ZBBX: variants seen among roughly 807,000 people sequenced by gnomAD.
The protein encoded by ZBBX is zinc finger B-box domain-containing protein 1.
In ZBBX, 101 loss-of-function variants were observed where a neutral mutation model predicts 108.5. The ratio of observed to expected loss-of-function variants is 0.93; its 90% CI spans 0.79 to 1.10. ZBBX has a LOEUF of 1.10. Ranked by LOEUF, ZBBX falls within the 50% of genes least tolerant of loss-of-function variation. The probability of loss-of-function intolerance (pLI) is 0.00; values close to 1 mark genes in which losing one functional copy is unlikely to be tolerated. For missense variants in ZBBX, 1,009 were observed against 941.4 expected (o/e 1.07, Z -0.94); for synonymous variants, 356 against 323.4 (o/e 1.10, Z -1.08).
At chr3:167,315,867 T>TA in intron 14 of ZBBX, 38 bp from the exon 15 acceptor site, 3 of 1,344,982 alleles carry the variant, frequency 2.2e-6, no homozygotes, top group Non-Finnish European at 3.1e-6. Context: ...AGTAAGTTCA[T>TA]AAAAATTTAT....
chr3:167,298,438 G>A lies in ZBBX; in HGVS notation c.1746C>T (p.Cys582=), dbSNP rs1483655821. ...KSSLLLQEIA[C]RSKPITKQYQ... ...ATTGTTTTGTTATAGGCTTACTTCT[G>A]CAGGCTATTTCTTGTAACAACTAAG... Residue 582 remains cysteine, a synonymous_variant, in exon 18 of 22, where the codon TGC becomes TGT. Transcript: ENST00000675490. 2.7e-6 allele frequency: 4 copies of A among 1,507,654 alleles called. No individual in the cohort carries two copies. In the Admixed American group the frequency reaches 5.9e-5, roughly 22 times the overall value. 93.4% of individuals were successfully genotyped at this position (1,507,654 alleles called of 1,614,324 possible). A position where few individuals can be genotyped will look rare whatever the true frequency, so the allele number is the denominator to read the frequency against.
At chr3:167,232,656 C>A in the ZBBX span, among the ~76,000 whole-genome samples, 1 of 151,748 alleles carries the variant, frequency 6.6e-6, no homozygotes, top group Non-Finnish European at 1.5e-5. Flanking sequence ...GAATGCTTTG[C>A]CTAGAGGGGA....
chr3:167,212,675 C>T, the ZBBX span, among the ~76,000 whole-genome samples: 1 of 152,162 alleles, frequency 6.6e-6, no homozygotes, highest in Non-Finnish European at 1.5e-5. Flanking sequence ...TCTGCTGCCT[C>T]TAAGCTGGGG....
rs925245518 is a variant in ZBBX at position 167,345,727 on chromosome 3, A to G, written c.528+4693T>C. ...TAGAAAAAACTACTTTAAATTTCAT[A>G]TGGAACCAAGAAAGAGCCCATATAA... On this transcript the variant is annotated intron_variant, in intron 9 of 21. Transcript: ENST00000675490. Among the ~76,000 whole-genome samples the G allele has an allele frequency of 2.6e-5, 4 of 151,846 alleles. No individual in the cohort carries two copies. The Admixed American group carries it at 2.6e-4, about 10-fold the overall frequency.
the ZBBX span, among the ~76,000 whole-genome samples, chr3:167,201,276 T>C: frequency 3.8e-3 from 584 of 152,260 alleles, 4 homozygotes; most frequent in South Asian, 0.022. Flanking sequence ...TAGGAGTAGA[T>C]TGAGAACAGA....
the ZBBX span, among the ~76,000 whole-genome samples, chr3:167,215,622 C>T: frequency 9.2e-5 from 14 of 152,276 alleles, no homozygotes; most frequent in African/African-American, 3.4e-4. Flanking sequence ...CTCCCCAACT[C>T]TTTCTGTGAG....
Position 167,340,572 on chromosome 3 carries a change from T to C in ZBBX, c.529-6587A>G, listed in dbSNP as rs115178481. 5.0e-3 allele frequency among the ~76,000 whole-genome samples: 760 copies of C among 152,154 alleles called. 3 individuals are homozygous for C. The highest frequency in any genetic ancestry group is 0.018 in the African/African-American group (740 of 41,552). ...TTTCTTATGGGTCCTTCTTTATAGATAGTCTTAGACCAAATTTATTCCCTG... is the reference window on the plus strand; with the variant it reads ...TTTCTTATGGGTCCTTCTTTATAGACAGTCTTAGACCAAATTTATTCCCTG... On this transcript the variant is annotated intron_variant, in intron 9 of 21. Transcript: ENST00000675490.
At chr3:167,384,410 G>C (rs1198064751), upstream of ZBBX, among the ~76,000 whole-genome samples, 1 of 152,090 alleles carries the variant, frequency 6.6e-6, no homozygotes, top group East Asian at 1.9e-4. Context: ...TAAATAAGTA[G>C]ATGGTACTGA....
chr3:167,248,199 A>G (rs930639115), intron 20 of ZBBX, among the ~76,000 whole-genome samples: 14 of 152,298 alleles, frequency 9.2e-5, no homozygotes, highest in Admixed American at 5.9e-4. Flanking sequence ...AGCAGCAGGC[A>G]AAGGCCAAGC....
intron 20 of ZBBX, among the ~76,000 whole-genome samples, chr3:167,256,993 G>A (rs1251919333): frequency 6.6e-6 from 1 of 152,114 alleles, no homozygotes; most frequent in Non-Finnish European, 1.5e-5. Flanking sequence ...ACACCCAGCA[G>A]TGGGATTAAT....
chr3:167,338,907 T>C (rs1293080529), intron 9 of ZBBX, among the ~76,000 whole-genome samples: 1 of 152,114 alleles, frequency 6.6e-6, no homozygotes, highest in Non-Finnish European at 1.5e-5. Flanking sequence ...TACAAAATCA[T>C]TTCAGGATGA....
rs1005790049 is a variant in ZBBX at position 167,324,426 on chromosome 3, C to T, written c.863-2189G>A. On this transcript the variant is annotated intron_variant, in intron 11 of 21. Transcript: ENST00000675490. Reference sequence around the variant, plus strand: ...ATAAGCCAGCAGACCCAGTCTCTTTCTTAATTAAGGGATTCCAGAGCTGTG... The same window carrying T: ...ATAAGCCAGCAGACCCAGTCTCTTTTTTAATTAAGGGATTCCAGAGCTGTG... 2.0e-5 allele frequency among the ~76,000 whole-genome samples: 3 copies of T among 152,082 alleles called. No homozygotes were observed. In the South Asian group the frequency reaches 6.2e-4, roughly 32 times the overall value.
upstream of ZBBX, among the ~76,000 whole-genome samples, chr3:167,383,048 T>G (rs1470579969): frequency 6.6e-6 from 1 of 152,168 alleles, no homozygotes; most frequent in Non-Finnish European, 1.5e-5. Context: ...TGAATTAAAC[T>G]GTATCACATG....
At chr3:167,345,117 G>A (rs747183502) in intron 9 of ZBBX, among the ~76,000 whole-genome samples, 4 of 151,684 alleles carry the variant, frequency 2.6e-5, no homozygotes, top group Non-Finnish European at 5.9e-5. Context: ...ACAGTTTTAC[G>A]CTATTTCAGG....
intron 20 of ZBBX, among the ~76,000 whole-genome samples, chr3:167,259,674 CATT>C (rs1724127000): frequency 6.6e-6 from 1 of 152,096 alleles, no homozygotes; most frequent in Admixed American, 6.5e-5. Context: ...TACGTTGTGT[CATT>C]ATTGTCATTC....
intron 17 of ZBBX, among the ~76,000 whole-genome samples, chr3:167,301,379 T>C (rs1230608966): frequency 6.6e-6 from 1 of 152,188 alleles, no homozygotes; most frequent in Non-Finnish European, 1.5e-5. Flanking sequence ...ATTGGATAAA[T>C]AGGCAGGGCC....
At chr3:167,334,487 T>C (rs765765642) in intron 9 of ZBBX, among the ~76,000 whole-genome samples, 2 of 152,032 alleles carry the variant, frequency 1.3e-5, no homozygotes, top group Non-Finnish European at 2.9e-5. Context: ...GACAGGAGGA[T>C]TGCTTGAACC....
chr3:167,344,155 G>T (rs553487588), intron 9 of ZBBX, among the ~76,000 whole-genome samples: 2 of 151,938 alleles, frequency 1.3e-5, no homozygotes, highest in Admixed American at 1.3e-4. Context: ...TATATGAAAT[G>T]TCCAGAATAG....
chr3:167,314,771 A>C (rs369979760), intron 15 of ZBBX, among the ~76,000 whole-genome samples: 2 of 152,298 alleles, frequency 1.3e-5, no homozygotes, highest in East Asian at 3.9e-4. Flanking sequence ...CAAAGCTGTA[A>C]AACTACTGCC....
Sources: allele counts gnomAD v4.1 joint callset (sites outside exome capture counted in the v4.1 genomes callset), GRCh38; gene constraint gnomAD v4.1.1; transcripts MANE v1.5; gene names NCBI Gene and HGNC (gene_info 2026-07-23, HGNC 2026-07-21).